The following ITFG2 variants were observed in gnomAD, a reference collection of about 807,000 sequenced individuals.
ITFG2 encodes integrin alpha FG-GAP repeat containing 2.
A neutral mutation model predicts 54.4 loss-of-function variants in ITFG2; 36 were observed. That is an observed-to-expected ratio of 0.66 (90% confidence interval 0.51 to 0.87). The LOEUF is 0.87. ITFG2 is among the 40% of genes least tolerant of loss of function. The probability of loss-of-function intolerance (pLI) is 0.00; values close to 1 mark genes in which losing one functional copy is unlikely to be tolerated. For synonymous variants in ITFG2, 211 were observed against 225.4 expected, an observed-to-expected ratio of 0.94 and a Z score of 0.57; for missense variants, 524 against 576.7, an observed-to-expected ratio of 0.91 and a Z score of 0.94.
In ITFG2 at chr12:2,819,308, C is replaced by CA. The variant is rs1293577024; in HGVS notation, c.407-768dup. ...TGAAACCCCGTCTCTACTAAAAATA[C>CA]AAAAAAAAAATTAACCGGGCATGGT... On this transcript the variant is annotated intron_variant, in intron 4 of 11. Transcript: ENST00000228799. Among the ~76,000 whole-genome samples the CA allele has an allele frequency of 2.7e-3, 407 of 148,542 alleles. 1 individual carries two copies. The highest frequency in any genetic ancestry group is 9.1e-3 in the African/African-American group (370 of 40,564).
rs763235392 is a variant in ITFG2 at position 2,858,763 on chromosome 12, C to T, written n.620+432C>T. ...AGGCTGTCATTCATTGTGTCCAGGA[C>T]CAGGCCTTCTGTCAGAGAACGATTG... On this transcript the variant is annotated intron_variant and non_coding_transcript_variant, in intron 3 of 3. Coordinates refer to the ITFG2 transcript ENST00000537710. 2.5e-6 allele frequency: 4 copies of T among 1,614,080 alleles called. No homozygotes were observed. In the African/African-American group the frequency reaches 5.3e-5, roughly 22 times the overall value.
intron 2 of ITFG2, among the ~76,000 whole-genome samples, chr12:2,854,255 C>A (rs1167409775): frequency 6.6e-6 from 1 of 152,022 alleles, no homozygotes; most frequent in African/African-American, 2.4e-5. Context: ...GAACTCCCTA[C>A]CTCAGGTGAT....
chr12:2,827,256 G>C, downstream of ITFG2: 3 of 1,614,052 alleles, frequency 1.9e-6, no homozygotes, highest in Non-Finnish European at 1.7e-6. The surrounding 1 kb of genome is among the most constrained non-coding windows in gnomAD (Gnocchi z 4.0). Flanking sequence ...CTCTGAGAAC[G>C]GGGCTTTCAG....
intron 1 of ITFG2, among the ~76,000 whole-genome samples, chr12:2,837,457 G>A (rs1229013524): frequency 1.3e-5 from 2 of 151,396 alleles, no homozygotes; most frequent in African/African-American, 4.9e-5. Context: ...CAGCCTAGGC[G>A]ACAGAGAGAG....
chr12:2,835,096 T>A, upstream of ITFG2: 1 of 1,436,294 alleles, frequency 7.0e-7, no homozygotes, highest in Non-Finnish European at 9.1e-7. Context: ...GGCCCACAGC[T>A]GGCTGACTTG....
rs1373904508 is a variant in ITFG2 at position 2,818,093 on chromosome 12, CT to C, written c.235-12del. ...TCCCCAGTCCATCTCTACTATACCT[CT>C]GTTTGTCCTAGAACCTGTTGGTGGC... On this transcript the variant is annotated splice_polypyrimidine_tract_variant and intron_variant, in intron 3 of 11. Coordinates refer to ENST00000228799, the MANE Select transcript of ITFG2 (RefSeq NM_018463.4). 6.2e-7 allele frequency: 1 copy of C among 1,613,434 alleles called. No homozygotes were observed. The highest frequency in any genetic ancestry group is 1.3e-5 in the African/African-American group (1 of 74,928).
At chr12:2,854,845 T>C (rs1247501900) in intron 2 of ITFG2, 2 of 1,468,824 alleles carry the variant, frequency 1.4e-6, no homozygotes, top group Non-Finnish European at 1.8e-6. Context: ...GAGGGAGGGG[T>C]CACCTGGGCA....
At chr12:2,813,974 C>G (rs2097915634) in intron 1 of ITFG2, among the ~76,000 whole-genome samples, 1 of 152,166 alleles carries the variant, frequency 6.6e-6, no homozygotes. Flanking sequence ...GACAGGGTCT[C>G]ACTCTGTTGC....
intron 2 of ITFG2, among the ~76,000 whole-genome samples, chr12:2,850,993 T>G (rs2098068903): frequency 7.0e-6 from 1 of 142,426 alleles, no homozygotes; most frequent in Non-Finnish European, 1.5e-5. Context: ...TTTTTTTTTT[T>G]TTTTTTTTTG....
intron 2 of ITFG2, among the ~76,000 whole-genome samples, chr12:2,841,329 T>C (rs1429029135): frequency 1.3e-5 from 2 of 152,206 alleles, no homozygotes; most frequent in African/African-American, 4.8e-5. Context: ...CTGAGTGCGT[T>C]CTCAGACTCG....
chr12:2,848,866 G>GACACACGCACAC (rs760263659), intron 2 of ITFG2, among the ~76,000 whole-genome samples: 6 of 115,768 alleles, frequency 5.2e-5, no homozygotes, highest in Admixed American at 1.9e-4. Flanking sequence ...CACCCCAACA[G>GACACACGCACAC]ACACACACAC....
chr12:2,853,282 GT>G (rs1293192338), intron 2 of ITFG2, among the ~76,000 whole-genome samples: 43 of 146,292 alleles, frequency 2.9e-4, no homozygotes, highest in South Asian at 4.4e-4. Flanking sequence ...TTGGTTTTTT[GT>G]TTTTTTTTTT....
chr12:2,853,607 G>GTTT (rs569055360), intron 2 of ITFG2, among the ~76,000 whole-genome samples: 1 of 145,416 alleles, frequency 6.9e-6, no homozygotes, highest in African/African-American at 2.6e-5. Context: ...TTTTGTTTTT[G>GTTT]TTTTTGTTTT....
intron 1 of ITFG2, among the ~76,000 whole-genome samples, chr12:2,814,575 A>G (rs1297041739): frequency 2.0e-5 from 3 of 152,184 alleles, no homozygotes; most frequent in Non-Finnish European, 4.4e-5. Flanking sequence ...CACGCCTGTA[A>G]TCTCAGCACT....
intron 1 of ITFG2, among the ~76,000 whole-genome samples, chr12:2,814,360 C>T (rs1161057566): frequency 6.6e-6 from 1 of 152,142 alleles, no homozygotes; most frequent in Non-Finnish European, 1.5e-5. Context: ...ATAGCACCAG[C>T]TTTTTTGAAA....
chr12:2,830,903 C>T (rs1172229556), downstream of ITFG2: 3 of 1,589,574 alleles, frequency 1.9e-6, no homozygotes, highest in Non-Finnish European at 2.6e-6. Flanking sequence ...GTTCTAAACC[C>T]AGGCATCCAG....
intron 3 of ITFG2, chr12:2,858,959 C>A (rs1481376270): frequency 6.2e-7 from 1 of 1,613,414 alleles, no homozygotes; most frequent in African/African-American, 1.3e-5. Flanking sequence ...TGCTGAGATC[C>A]ATCAGCCCCA....
At chr12:2,813,019 G>A (rs2097912894) in intron 1 of ITFG2, 163 bp downstream of exon 1, 1 of 560,032 alleles carries the variant, frequency 1.8e-6, no homozygotes. Context: ...CAGTGTTCGT[G>A]GTTGGTTTTG....
Position 2,817,334 on chromosome 12 carries a change from C to T in ITFG2, c.192+16C>T. 6.3e-7 allele frequency: 1 copy of T among 1,587,196 alleles called. No individual in the cohort carries two copies. The highest frequency in any genetic ancestry group is 1.3e-5 in the African/African-American group (1 of 74,532). On this transcript the variant is annotated intron_variant, in intron 2 of 11. Transcript: ENST00000228799. ...CCAGGGAATGGTCAGTATTCACTTC[C>T]CTGGGCCTGGAGGGGGGAAGGGATC...
Sources: allele counts gnomAD v4.1 joint callset (sites outside exome capture counted in the v4.1 genomes callset), GRCh38; gene constraint gnomAD v4.1.1; non-coding constraint Gnocchi (gnomAD v3.1); transcripts MANE v1.5; gene names NCBI Gene and HGNC (gene_info 2026-07-23, HGNC 2026-07-21).